The following PTPRZ1 variants were observed in gnomAD, a reference collection of about 807,000 sequenced individuals.
PTPRZ1 encodes receptor-type tyrosine-protein phosphatase zeta.
In PTPRZ1, 82 loss-of-function variants were observed where a neutral mutation model predicts 214.1. The observed-to-expected ratio is 0.38, with a 90% CI of 0.32 to 0.46. PTPRZ1 has a LOEUF of 0.46. Among genes scored for constraint, PTPRZ1 ranks in the 20% least tolerant of loss-of-function variants. The probability of loss-of-function intolerance (pLI) is 1.00; values close to 1 mark genes in which losing one functional copy is unlikely to be tolerated. For synonymous variants in PTPRZ1, 945 were observed against 987.9 expected (o/e 0.96, Z 0.81); for missense variants, 2,603 against 2,748.7 (o/e 0.95, Z 1.19).
At chr7:122,048,048 A>G (rs544855682) in intron 23 of PTPRZ1, among the ~76,000 whole-genome samples, 215 of 152,258 alleles carry the variant, frequency 1.4e-3, no homozygotes, top group Non-Finnish European at 1.9e-3. Flanking sequence ...TCATTTTCTC[A>G]GAGTATAATA....
chr7:122,055,676 A>G (rs1792328395), intron 27 of PTPRZ1, among the ~76,000 whole-genome samples: 1 of 151,912 alleles, frequency 6.6e-6, no homozygotes, highest in South Asian at 2.1e-4. Context: ...TTGTTTTACT[A>G]AACTTAATTA....
chr7:121,923,529 G>A (rs1486525918), intron 1 of PTPRZ1, among the ~76,000 whole-genome samples: 1 of 152,090 alleles, frequency 6.6e-6, no homozygotes, highest in Non-Finnish European at 1.5e-5. Context: ...TGTGTATTTT[G>A]TCAGAGCACT....
At chr7:122,031,388 G>T in intron 14 of PTPRZ1, 86 bp from the exon 15 acceptor site, 1 of 913,596 alleles carries the variant, frequency 1.1e-6, no homozygotes, top group Non-Finnish European at 1.7e-6. Flanking sequence ...AATAATTGAA[G>T]TTGTTTCAGA....
intron 1 of PTPRZ1, among the ~76,000 whole-genome samples, chr7:121,925,422 A>G (rs1220922180): frequency 6.6e-6 from 1 of 152,260 alleles, no homozygotes; most frequent in Non-Finnish European, 1.5e-5. Context: ...AATATTCATA[A>G]CAGCATTGTT....
intron 10 of PTPRZ1, among the ~76,000 whole-genome samples, chr7:122,002,959 A>G (rs1798372988): frequency 6.6e-6 from 1 of 152,200 alleles, no homozygotes; most frequent in African/African-American, 2.4e-5. Context: ...TAATTTGAAG[A>G]TTTTTTATAT....
intron 1 of PTPRZ1, among the ~76,000 whole-genome samples, chr7:121,913,894 G>A (rs1020717925): frequency 3.9e-5 from 6 of 152,104 alleles, no homozygotes; most frequent in Admixed American, 1.3e-4. Context: ...GACAAAAACC[G>A]TCTAACCTAA....
chr7:121,883,836 G>T (rs899966529), intron 1 of PTPRZ1, among the ~76,000 whole-genome samples: 1 of 152,132 alleles, frequency 6.6e-6, no homozygotes, highest in Admixed American at 6.6e-5. Context: ...ATATTGGTCA[G>T]GGTGGCCTCT....
At chr7:122,040,603 G>T (rs1459282374) in intron 20 of PTPRZ1, among the ~76,000 whole-genome samples, 1 of 152,094 alleles carries the variant, frequency 6.6e-6, no homozygotes, top group Non-Finnish European at 1.5e-5. Context: ...ACCAAACAAT[G>T]GGCCACCATA....
intron 23 of PTPRZ1, among the ~76,000 whole-genome samples, chr7:122,049,064 A>C (rs1271270982): frequency 6.6e-6 from 1 of 152,132 alleles, no homozygotes; most frequent in Non-Finnish European, 1.5e-5. Flanking sequence ...ACTGGAAAAT[A>C]TGAATAGATT....
chr7:121,924,556 G>A (rs1197854075), intron 1 of PTPRZ1, among the ~76,000 whole-genome samples: 1 of 152,138 alleles, frequency 6.6e-6, no homozygotes, highest in Non-Finnish European at 1.5e-5. Context: ...CTTAATGTAA[G>A]TAATTAAAAA....
chr7:121,895,156 A>G (rs1315064614), intron 1 of PTPRZ1, among the ~76,000 whole-genome samples: 1 of 152,166 alleles, frequency 6.6e-6, no homozygotes, highest in African/African-American at 2.4e-5. Flanking sequence ...AAAACAGAGG[A>G]TGTGCCCCTG....
In PTPRZ1 at chr7:121,898,412, C is replaced by A. The variant is rs867966270; in HGVS notation, c.58+24855C>A. 1.4e-4 allele frequency among the ~76,000 whole-genome samples: 22 copies of A among 152,140 alleles called. No homozygotes were observed. The Middle Eastern group carries it at 0.014, about 94-fold the overall frequency. On this transcript the variant is annotated intron_variant, in intron 1 of 29. Transcript: ENST00000393386. ...AGCGGCTCTGCTGTTAAAGGAATTT[C>A]TTGGAAATCTTTTATCTGCTGTTTT...
At chr7:122,002,886 T>A (rs1181549377) in intron 10 of PTPRZ1, among the ~76,000 whole-genome samples, 1 of 152,230 alleles carries the variant, frequency 6.6e-6, no homozygotes, top group Non-Finnish European at 1.5e-5. Context: ...TTCAACAGTC[T>A]ATGAAAAAGA....
chr7:121,947,800 G>A lies in PTPRZ1; in HGVS notation c.124+19579G>A, dbSNP rs542237001. 1.9e-3 allele frequency among the ~76,000 whole-genome samples: 296 copies of A among 152,008 alleles called. 9 individuals carry two copies. The South Asian group carries it at 0.059, about 30-fold the overall frequency. ...AATCCAGACTAAATTAAATAGATCT[G>A]GCATGGTAACATATCATTTTGGGTT... On this transcript the variant is annotated intron_variant, in intron 2 of 29. Coordinates refer to ENST00000393386, the MANE Select transcript of PTPRZ1 (RefSeq NM_002851.3).
chr7:121,971,248 G>C (rs1220136916), intron 3 of PTPRZ1, among the ~76,000 whole-genome samples: 1 of 151,990 alleles, frequency 6.6e-6, no homozygotes, highest in African/African-American at 2.4e-5. Flanking sequence ...AGAAATCCCT[G>C]TTTTCCTTTT....
At chr7:122,051,813 G>C in intron 24 of PTPRZ1, 53 bp from the exon 25 acceptor site, 1 of 1,431,566 alleles carries the variant, frequency 7.0e-7, no homozygotes, top group Non-Finnish European at 9.7e-7. Flanking sequence ...AGCATGAGTT[G>C]TTTTGTTTTG....
chr7:121,935,539 G>C, intron 2 of PTPRZ1, among the ~76,000 whole-genome samples: 1 of 118,622 alleles, frequency 8.4e-6, no homozygotes, highest in Non-Finnish European at 1.7e-5. Flanking sequence ...GTTTTTTGGG[G>C]TTTTTTTTGT....
intron 2 of PTPRZ1, among the ~76,000 whole-genome samples, chr7:121,939,377 A>G (rs771988791): frequency 2.0e-5 from 3 of 152,252 alleles, no homozygotes; most frequent in Non-Finnish European, 4.4e-5. Flanking sequence ...ATGCCAAAAT[A>G]TATTACCTCT....
At chr7:121,985,700 C>A (rs148126325) in intron 8 of PTPRZ1, among the ~76,000 whole-genome samples, 81 of 152,300 alleles carry the variant, frequency 5.3e-4, no homozygotes, top group African/African-American at 1.9e-3. Context: ...CTTCTGTCCC[C>A]CTAAGTCTGG....
Sources: gnomAD v4.1 joint callset for allele counts (sites outside exome capture counted in the v4.1 genomes callset) on GRCh38, gnomAD v4.1.1 for gene constraint, MANE v1.5 for transcripts, NCBI Gene and HGNC (gene_info 2026-07-23, HGNC 2026-07-21) for gene names.